The following CYP21A2 variants were observed in gnomAD, a reference collection of about 807,000 sequenced individuals.
CYP21A2 encodes steroid 21-hydroxylase.
A neutral mutation model predicts 47.4 loss-of-function variants in CYP21A2; 24 were observed. The observed-to-expected ratio is 0.51, with a 90% CI of 0.37 to 0.71. CYP21A2 has a LOEUF of 0.71. Among genes scored for constraint, CYP21A2 ranks in the 30% least tolerant of loss-of-function variants. The pLI is 0.00. For synonymous variants in CYP21A2, 130 were observed against 273.9 expected (o/e 0.47, Z 5.19); for missense variants, 358 against 643.2 (o/e 0.56, Z 4.80).
Position 32,040,390 on chromosome 6 carries a change from C to G in CYP21A2, c.940-16C>G, listed in dbSNP as rs1274994606. On this transcript the variant is annotated splice_polypyrimidine_tract_variant and intron_variant, in intron 7 of 9. Transcript: ENST00000644719. ...TGTGGGCTGCTGGGGCAGGACTCCA[C>G]CCGATCATTCCCCAGATTCAGCAGC... 2 of 1,612,730 alleles carry G rather than the reference C, an allele frequency of 1.2e-6. No individual in the cohort carries two copies. The highest frequency in any genetic ancestry group is 1.3e-5 in the African/African-American group (1 of 75,062).
intron 2 of CYP21A2, 32 bp from the exon 3 acceptor site, chr6:32,039,062 T>TAC (rs1776048429): frequency 6.4e-6 from 10 of 1,565,764 alleles, no homozygotes; most frequent in Non-Finnish European, 8.7e-6. Flanking sequence ...CTTCATCAGT[T>TAC]CCCACCCTCC....
At position 32,038,602 on chromosome 6, in the gene CYP21A2, C is replaced by T. The variant is rs1347353531; in HGVS notation, c.180C>T (p.Tyr60=). Residue 60 remains tyrosine (Y), a synonymous_variant, in exon 1 of 10, where the codon TAC becomes TAT. Transcript: ENST00000644719. ...TGACTCAGAAATTCGGGCCCATCTACAGGCTCCACCTTGGGCTGCAAGGTG... is the reference window on the plus strand; with the variant it reads ...TGACTCAGAAATTCGGGCCCATCTATAGGCTCCACCTTGGGCTGCAAGGTG... The part of the protein sequence containing the change: ...LGLTQKFGPI[Y]RLHLGLQDVV... The T allele has an allele frequency of 1.9e-6, 3 of 1,588,724 alleles. No homozygotes were observed. Among genetic ancestry groups the T allele is most frequent in the Admixed American group, 1.8e-5 (1 of 56,790 alleles).
rs144104274 is a variant in CYP21A2, at chr6:32,040,516, C to T, written c.1050C>T (p.Ile350=). The T allele has an allele frequency of 1.0e-3, 1,625 of 1,613,556 alleles. 2 individuals carry two copies. The highest frequency in any genetic ancestry group is 1.2e-3 in the Non-Finnish European group (1,459 of 1,179,804). ...RARLPLLNAT[I]AEVLRLRPVV... ...GGCTGCCCTTGCTCAATGCCACCAT[C>T]GCCGAGGTGCTGCGCCTGCGGCCCG... is the stretch of plus-strand genomic sequence containing the variant. Residue 350 remains isoleucine, a synonymous_variant, in exon 8 of 10, where the codon ATC becomes ATT. Transcript: ENST00000644719.
At position 32,040,051 on chromosome 6, in the gene CYP21A2, T is replaced by C. The variant is rs750337015; in HGVS notation, c.785T>C (p.Leu262Pro). ...GQWRDMMDYM[L>P]QGVAQPSMEE... ...TGGAGGGACATGATGGACTACATGC[T>C]CCAAGGGGTGGCGCAGCCGAGCATG... The change falls in exon 7 of 10, where the codon CTC becomes CCC. Residue 262 changes from leucine (L) to proline (P), a missense_variant. Leu to Pro is a moderately conservative substitution (Grantham distance 98). Coordinates refer to ENST00000644719, the MANE Select transcript of CYP21A2 (RefSeq NM_000500.9). 1.2e-6 allele frequency: 2 copies of C among 1,612,680 alleles called. No individual in the cohort carries two copies. Among genetic ancestry groups the C allele is most frequent in the East Asian group, 2.2e-5 (1 of 44,852 alleles).
At chr6:32,040,355 G>T (rs1776211774) in intron 7 of CYP21A2, 51 bp from the exon 8 acceptor site, 1 of 1,609,656 alleles carries the variant, frequency 6.2e-7, no homozygotes, top group Non-Finnish European at 8.5e-7. Flanking sequence ...GCGGCTGGAG[G>T]CTGGGCAGCT....
rs755070239 is a variant in CYP21A2 at position 32,038,640 on chromosome 6, C to T, written c.202+16C>T. On this transcript the variant is annotated intron_variant, in intron 1 of 9. Transcript: ENST00000644719. ...GGGCTGCAAGGTGAGAGGCTGATCT[C>T]GCTCTGGCCCTCACCATAGGAGGGG... 28 of 1,574,740 alleles carry T rather than the reference C, an allele frequency of 1.8e-5. No homozygotes were observed. Among genetic ancestry groups the T allele is most frequent in the Middle Eastern group, 1.7e-4 (1 of 5,796 alleles).
rs415620 is a variant in CYP21A2, at chr6:32,041,502, T to C, written c.*368T>C. 26,090 of 1,163,640 alleles carry C rather than the reference T, an allele frequency of 0.022. 2,993 individuals are homozygous for C. Among genetic ancestry groups the C allele is most frequent in the African/African-American group, 0.1 (5,653 of 54,446 alleles). The allele number at this position is 1,163,640 out of a possible 1,614,324, so 72.1% of individuals were successfully genotyped here. On this transcript the variant is annotated 3_prime_UTR_variant, in exon 10 of 10. Transcript: ENST00000644719. ...TCAAAGCCGGATGTCCCATCTGCTC[T>C]TCCCGTTCCCCTTAAGGAGGTAGCT...
intron 2 of CYP21A2, 39 bp downstream of exon 2, chr6:32,038,850 T>G (rs1351665812): frequency 1.4e-6 from 2 of 1,452,448 alleles, no homozygotes; most frequent in East Asian, 4.6e-5. Context: ...TAAAAAAATT[T>G]TTTTTTAAGA....
At position 32,039,371 on chromosome 6, in the gene CYP21A2, C is replaced by T. The variant is rs1234627005; in HGVS notation, c.463C>T (p.Pro155Ser). The T allele has an allele frequency of 6.2e-7, 1 of 1,610,704 alleles. No individual in the cohort carries two copies. The highest frequency in any genetic ancestry group is 8.5e-7 in the Non-Finnish European group (1 of 1,178,576). ...QEFCERMRAQPGTPVAIEEEF... is the reference protein window; with the variant it reads ...QEFCERMRAQSGTPVAIEEEF... ...TTCTCCACAGCGCATGAGAGCCCAGCCCGGCACCCCTGTGGCCATTGAGGA... is the reference window on the plus strand; with the variant it reads ...TTCTCCACAGCGCATGAGAGCCCAGTCCGGCACCCCTGTGGCCATTGAGGA... The change falls in exon 4 of 10, where the codon CCC (proline) becomes TCC (serine). Residue 155 changes from proline (P) to serine (S), a missense_variant. Physicochemically the swap from Pro to Ser is moderately conservative, Grantham distance 74 (BLOSUM62 -1). Transcript: ENST00000644719.
rs1203437858 is a variant in CYP21A2, at chr6:32,040,126, T to G, written c.860T>G (p.Val287Gly). 5 of 1,612,710 alleles carry G rather than the reference T, an allele frequency of 3.1e-6. No individual in the cohort carries two copies. ...LLEGHVHMAA[V>G]DLLIGGTETT... The stretch of plus-strand genomic sequence containing the variant: ...GAAGGGCACGTGCACATGGCTGCAG[T>G]GGACCTCCTGATCGGTGGCACTGAG... Residue 287 changes from valine (V) to glycine (G), a missense_variant, in exon 7 of 10, where the codon GTG becomes GGG. Coordinates refer to ENST00000644719, the MANE Select transcript of CYP21A2 (RefSeq NM_000500.9).
chr6:32,039,024 G>A, intron 2 of CYP21A2, 70 bp from the exon 3 acceptor site: 1 of 1,556,606 alleles, frequency 6.4e-7, no homozygotes, highest in African/African-American at 1.4e-5. Context: ...GGGTTGGGGA[G>A]GCCGAAGAAG....
rs773218988 is a variant in CYP21A2 at position 32,040,438 on chromosome 6, C to T, written c.972C>T (p.His324=). ...IQQRLQEELD[H]ELGPGASSSR... is the part of the protein sequence containing the mutation. Reference sequence around the variant, plus strand: ...AGCGACTGCAGGAGGAGCTAGACCACGAACTGGGCCCTGGTGCCTCCAGCT... The same window carrying T: ...AGCGACTGCAGGAGGAGCTAGACCATGAACTGGGCCCTGGTGCCTCCAGCT... The change falls in exon 8 of 10, where the codon CAC becomes CAT. Residue 324 remains histidine, a synonymous_variant. Transcript: ENST00000644719. 82 of 1,613,008 alleles carry T rather than the reference C, an allele frequency of 5.1e-5. No homozygotes were observed. Among genetic ancestry groups the T allele is most frequent in the Non-Finnish European group, 6.1e-5 (72 of 1,179,812 alleles).
At position 32,039,346 on chromosome 6, in the gene CYP21A2, TTC is replaced by T; in HGVS notation, c.448-7_448-6del. 6.2e-7 allele frequency: 1 copy of T among 1,603,460 alleles called. No individual in the cohort carries two copies. Among genetic ancestry groups the T allele is most frequent in the Non-Finnish European group, 8.5e-7 (1 of 1,174,984 alleles). On this transcript the variant is annotated splice_polypyrimidine_tract_variant and splice_region_variant and intron_variant, in intron 3 of 9. Coordinates refer to ENST00000644719, the MANE Select transcript of CYP21A2 (RefSeq NM_000500.9). ...CAGCGGCCTGCTGAACTCACACTGT[TTC>T]TCCACAGCGCATGAGAGCCCAGCCC...
chr6:32,039,676 G>A (rs1430252930), intron 5 of CYP21A2, 29 bp downstream of exon 5: 1 of 1,566,122 alleles, frequency 6.4e-7, no homozygotes, highest in South Asian at 1.2e-5. Context: ...GACACCCCTG[G>A]GTTGTAGGGG....
intron 2 of CYP21A2, 99 bp from the exon 3 acceptor site, chr6:32,038,995 T>C (rs1286585949): frequency 3.2e-6 from 5 of 1,548,306 alleles, no homozygotes; most frequent in Admixed American, 2.0e-5. Flanking sequence ...GGGGGGCATA[T>C]CTGGTGGGGA....
In CYP21A2 at chr6:32,039,109, G is replaced by A. The variant is rs6474; in HGVS notation, c.308G>A (p.Arg103Lys). Residue 103 changes from arginine to lysine, a missense_variant, in exon 3 of 10, where the codon AGG (arginine) becomes AAG (lysine). Coordinates refer to ENST00000644719, the MANE Select transcript of CYP21A2 (RefSeq NM_000500.9). Reference sequence around the variant, plus strand: ...CCTCCTGCAGACAAGCTGGTGTCTAGGAACTACCCGGACCTGTCCTTGGGA... The same window carrying A: ...CCTCCTGCAGACAAGCTGGTGTCTAAGAACTACCCGGACCTGTCCTTGGGA... ...PEPLTYKLVS[R>K]NYPDLSLGDY... 0.3 allele frequency: 486,053 copies of A among 1,595,216 alleles called. 79,844 individuals carry two copies. The highest frequency in any genetic ancestry group is 0.42 in the Admixed American group (24,884 of 58,888).
chr6:32,038,856 T>A (rs1005488948), intron 2 of CYP21A2, 45 bp downstream of exon 2: 7 of 1,424,780 alleles, frequency 4.9e-6, no homozygotes, highest in East Asian at 2.3e-5. Flanking sequence ...AATTTTTTTT[T>A]AAGAGATGGG....
rs1474566961 is a variant in CYP21A2, at chr6:32,040,206, G to A, written c.939+1G>A. On this transcript the variant is annotated splice_donor_variant, in intron 7 of 9. Transcript: ENST00000644719. LOFTEE classifies it high-confidence loss of function. ...GGTTTTTTTGCTTCACCACCCTGAG[G>A]TGCGTCCTGGGGACAAGCAAAAGGC... 4 of 1,612,864 alleles carry A rather than the reference G, an allele frequency of 2.5e-6. No homozygotes were observed. Among genetic ancestry groups the A allele is most frequent in the East Asian group, 2.2e-5 (1 of 44,878 alleles).
At chr6:32,039,039 G>C (rs1244335695) in intron 2 of CYP21A2, 55 bp from the exon 3 acceptor site, 10 of 1,566,370 alleles carry the variant, frequency 6.4e-6, no homozygotes, top group South Asian at 4.7e-5. Context: ...AAGAAGGTCA[G>C]GCCCTCAGCT....
Sources: gnomAD v4.1 joint callset for allele counts on GRCh38, gnomAD v4.1.1 for gene constraint, MANE v1.5 for transcripts, NCBI Gene and HGNC (gene_info 2026-07-23, HGNC 2026-07-21) for gene names.